Variants in CACNB2 observed in about 807,000 individuals in gnomAD.
CACNB2 encodes voltage-dependent L-type calcium channel subunit beta-2.
Under a neutral mutation model 73.3 loss-of-function variants are expected in CACNB2, and 42 were observed. That is an observed-to-expected ratio of 0.57 (90% CI 0.45 to 0.74). The LOEUF (loss-of-function observed/expected upper bound fraction) is 0.74. Among genes scored for constraint, CACNB2 ranks in the 30% least tolerant of loss-of-function variants. CACNB2 has a pLI of 0.00. For synonymous variants in CACNB2, 348 were observed against 310.3 expected (o/e 1.12, Z -1.28); for missense variants, 940 against 853.0 (o/e 1.10, Z -1.27).
chr10:18,492,865 A>G (rs909387326), intron 3 of CACNB2, among the ~76,000 whole-genome samples: 2 of 152,128 alleles, frequency 1.3e-5, no homozygotes, highest in African/African-American at 4.8e-5. Context: ...TTGGGCTTTA[A>G]TGGGGGGTAA....
At chr10:18,220,230 TATAGAGAGAGAGAGAG>T (rs1171131722) in intron 2 of CACNB2, among the ~76,000 whole-genome samples, 4 of 34,452 alleles carry the variant, frequency 1.2e-4, no homozygotes, top group East Asian at 1.1e-3. Flanking sequence ...TATATATATA[TATAGAGAGAGAGAGAG>T]AGAGAGAGAG....
chr10:18,222,219 A>G, intron 2 of CACNB2, among the ~76,000 whole-genome samples: 1 of 152,212 alleles, frequency 6.6e-6, no homozygotes, highest in Admixed American at 6.5e-5. Flanking sequence ...ATGCCGAGGC[A>G]GAACCCAGAT....
chr10:18,491,924 T>C (rs2049458950), intron 3 of CACNB2, among the ~76,000 whole-genome samples: 1 of 148,992 alleles, frequency 6.7e-6, no homozygotes, highest in African/African-American at 2.5e-5. Context: ...ATTGTTACAC[T>C]GTTATAAAGA....
intron 3 of CACNB2, among the ~76,000 whole-genome samples, chr10:18,418,658 A>G (rs1403619845): frequency 6.6e-6 from 1 of 152,206 alleles, no homozygotes; most frequent in Admixed American, 6.5e-5. Flanking sequence ...ACAAACGCCA[A>G]TATGTAGCCA....
chr10:18,498,593 A>T, intron 4 of CACNB2, 116 bp downstream of exon 4: 1 of 967,884 alleles, frequency 1.0e-6, no homozygotes, highest in Non-Finnish European at 1.6e-6. Flanking sequence ...CTGCAGTTGT[A>T]TAACACACAT....
chr10:18,530,513 C>CAAAAAAAAA (rs5783609), intron 10 of CACNB2, among the ~76,000 whole-genome samples: 1 of 129,318 alleles, frequency 7.7e-6, no homozygotes, highest in Non-Finnish European at 1.6e-5. Context: ...TACAAAAATG[C>CAAAAAAAAA]AAAAAAAAAA....
intron 2 of CACNB2, chr10:18,340,703 T>C (rs2041196203): frequency 7.0e-7 from 1 of 1,429,070 alleles, no homozygotes; most frequent in Admixed American, 2.9e-5. Flanking sequence ...TGAGCTCCTC[T>C]GCTCTGCCTA....
chr10:18,484,845 A>G (rs927313314), intron 3 of CACNB2, among the ~76,000 whole-genome samples: 5 of 152,172 alleles, frequency 3.3e-5, no homozygotes, highest in African/African-American at 9.7e-5. Context: ...TTACATATAT[A>G]TATGTTGATC....
chr10:18,215,737 G>T (rs1267223538), intron 2 of CACNB2, among the ~76,000 whole-genome samples: 6 of 152,128 alleles, frequency 3.9e-5, no homozygotes, highest in Non-Finnish European at 8.8e-5. Context: ...GCGAGGTGAA[G>T]AATTTAAGAA....
intron 2 of CACNB2, among the ~76,000 whole-genome samples, chr10:18,215,323 A>G (rs2035470004): frequency 6.6e-6 from 1 of 152,030 alleles, no homozygotes; most frequent in Non-Finnish European, 1.5e-5. Context: ...AATTTTCATG[A>G]CCATCGGAGC....
intron 3 of CACNB2, among the ~76,000 whole-genome samples, chr10:18,443,782 T>A (rs1277336814): frequency 6.6e-6 from 1 of 150,766 alleles, no homozygotes; most frequent in Non-Finnish European, 1.5e-5. Flanking sequence ...TGGCATGATC[T>A]CAGCTCACTG....
intron 2 of CACNB2, among the ~76,000 whole-genome samples, chr10:18,232,576 G>T (rs1341065412): frequency 6.6e-6 from 1 of 152,172 alleles, no homozygotes; most frequent in African/African-American, 2.4e-5. Context: ...GGGTCAGAAT[G>T]ATACTAATCT....
intron 2 of CACNB2, among the ~76,000 whole-genome samples, chr10:18,284,219 C>G (rs2038687716): frequency 6.6e-6 from 1 of 152,142 alleles, no homozygotes; most frequent in Non-Finnish European, 1.5e-5. Context: ...AAAGAGATAA[C>G]TTGTGCAGGG....
intron 2 of CACNB2, among the ~76,000 whole-genome samples, chr10:18,334,241 TAC>T (rs1350860300): frequency 6.6e-6 from 1 of 152,158 alleles, no homozygotes; most frequent in Non-Finnish European, 1.5e-5. Flanking sequence ...ACGGTGTGAA[TAC>T]GAGCTGGGAC....
At chr10:18,235,675 G>A (rs547901042) in intron 2 of CACNB2, among the ~76,000 whole-genome samples, 3 of 152,300 alleles carry the variant, frequency 2.0e-5, no homozygotes, top group South Asian at 2.1e-4. Flanking sequence ...AAGGCAAGTC[G>A]GTTGGAGCAA....
At chr10:18,315,493 T>A (rs573849370) in intron 2 of CACNB2, among the ~76,000 whole-genome samples, 4 of 104,372 alleles carry the variant, frequency 3.8e-5, no homozygotes, top group African/African-American at 1.5e-4. Context: ...AGACCTTGTC[T>A]CTATTTAAAA....
intron 3 of CACNB2, among the ~76,000 whole-genome samples, chr10:18,442,841 A>G (rs1307878615): frequency 5.5e-4 from 82 of 147,850 alleles, no homozygotes; most frequent in Non-Finnish European, 1.1e-3. Flanking sequence ...AAAAAGAAAG[A>G]AAGAATTATA....
chr10:18,165,162 G>T (rs1329671981), intron 2 of CACNB2, among the ~76,000 whole-genome samples: 1 of 152,168 alleles, frequency 6.6e-6, no homozygotes, highest in Non-Finnish European at 1.5e-5. Flanking sequence ...AGGGAGCATT[G>T]CCAAGAAAGT....
intron 2 of CACNB2, chr10:18,261,970 G>T (rs772210072): frequency 7.7e-6 from 4 of 518,958 alleles, no homozygotes; most frequent in South Asian, 4.2e-5. Flanking sequence ...GCAATATGCT[G>T]TGCCTTACAC....
Sources: allele counts gnomAD v4.1 joint callset (sites outside exome capture counted in the v4.1 genomes callset), GRCh38; gene constraint gnomAD v4.1.1; transcripts MANE v1.5; gene names NCBI Gene and HGNC (gene_info 2026-07-23, HGNC 2026-07-21).